The following PLCG2 variants were observed in gnomAD, a reference collection of about 807,000 sequenced individuals.
PLCG2 encodes the protein 1-phosphatidylinositol 4,5-bisphosphate phosphodiesterase gamma-2.
Under a neutral mutation model 175.6 loss-of-function variants are expected in PLCG2, and 69 were observed. That is an observed-to-expected ratio of 0.39 (90% CI 0.32 to 0.48). The LOEUF (loss-of-function observed/expected upper bound fraction) is 0.48, where lower values mean the gene tolerates loss of function less well. PLCG2 is among the 20% of genes least tolerant of loss of function. The pLI is 0.91. For missense variants in PLCG2, 1,798 were observed against 1,650.9 expected, an observed-to-expected ratio of 1.09 and a Z score of -1.54; for synonymous variants, 827 against 624.0, an observed-to-expected ratio of 1.33 and a Z score of -4.85.
At chr16:81,766,139 G>A (rs1328514852) in intron 2 of PLCG2, among the ~76,000 whole-genome samples, 1 of 152,124 alleles carries the variant, frequency 6.6e-6, no homozygotes, top group East Asian at 1.9e-4. Flanking sequence ...GTCAACATGG[G>A]CACTGTTTAT....
intron 2 of PLCG2, chr16:81,766,637 T>C (rs1910157448): frequency 6.6e-6 from 1 of 152,430 alleles, no homozygotes; most frequent in East Asian, 1.9e-4. Flanking sequence ...GTTTATGTGT[T>C]TCCTTGTTTA....
chr16:81,865,236 C>G (rs1024315310), intron 5 of PLCG2, among the ~76,000 whole-genome samples: 6 of 152,118 alleles, frequency 3.9e-5, no homozygotes, highest in Non-Finnish European at 5.9e-5. Flanking sequence ...GGGCGAGGCA[C>G]TCTCTGTAGG....
chr16:81,839,472 A>T (rs184770312), intron 2 of PLCG2, among the ~76,000 whole-genome samples: 2 of 152,210 alleles, frequency 1.3e-5, no homozygotes, highest in African/African-American at 4.8e-5. Context: ...TAGGCTGTAT[A>T]TAAAGTAATG....
chr16:81,875,776 T>C (rs1398909061), intron 7 of PLCG2, among the ~76,000 whole-genome samples: 2 of 152,116 alleles, frequency 1.3e-5, no homozygotes, highest in Non-Finnish European at 2.9e-5. Context: ...AAAAAGAAAA[T>C]TGAGAAGGCT....
At chr16:81,802,188 C>G (rs909151829) in intron 2 of PLCG2, among the ~76,000 whole-genome samples, 1 of 140,692 alleles carries the variant, frequency 7.1e-6, no homozygotes, top group African/African-American at 2.6e-5. Context: ...TCTTGGCTCA[C>G]TGCAAGCTCC....
At chr16:81,778,701 AGGTAGCAGTAAG>A (rs1017300127), upstream of PLCG2, among the ~76,000 whole-genome samples, 5 of 152,338 alleles carry the variant, frequency 3.3e-5, no homozygotes, top group Non-Finnish European at 7.4e-5. Context: ...GGTCTGCCTA[AGGTAGCAGTAAG>A]GGTTGGTCTG....
intron 19 of PLCG2, among the ~76,000 whole-genome samples, chr16:81,914,901 G>A (rs548288687): frequency 6.6e-6 from 1 of 152,184 alleles, no homozygotes; most frequent in African/African-American, 2.4e-5. Context: ...AAGAGTTGGG[G>A]TGTGAGGACT....
intron 2 of PLCG2, among the ~76,000 whole-genome samples, chr16:81,760,988 C>T (rs929201226): frequency 3.3e-5 from 5 of 152,052 alleles, no homozygotes; most frequent in Admixed American, 6.6e-5. Flanking sequence ...ACGGCAACAG[C>T]GACCTCCTGG....
intron 2 of PLCG2, among the ~76,000 whole-genome samples, chr16:81,826,305 A>G (rs1482187135): frequency 6.6e-6 from 1 of 152,170 alleles, no homozygotes; most frequent in Non-Finnish European, 1.5e-5. Context: ...TCCTAGGCTC[A>G]GAGATGGGGG....
chr16:81,867,040 T>C (rs965452049), intron 5 of PLCG2, among the ~76,000 whole-genome samples: 1 of 152,228 alleles, frequency 6.6e-6, no homozygotes, highest in Non-Finnish European at 1.5e-5. Flanking sequence ...GCTGTCCCTG[T>C]GGTACCAGTA....
At chr16:81,956,494 T>C (rs1240053024) in intron 31 of PLCG2, among the ~76,000 whole-genome samples, 2 of 152,240 alleles carry the variant, frequency 1.3e-5, no homozygotes, top group Non-Finnish European at 2.9e-5. Flanking sequence ...AAGCACTTTT[T>C]AAACTGCTTG....
intron 31 of PLCG2, among the ~76,000 whole-genome samples, chr16:81,956,393 A>G (rs1249316790): frequency 3.3e-5 from 5 of 152,210 alleles, no homozygotes. Flanking sequence ...CATGTAGACC[A>G]AAGGAAAACC....
intron 2 of PLCG2, among the ~76,000 whole-genome samples, chr16:81,796,966 C>T (rs1327072983): frequency 1.3e-5 from 2 of 152,192 alleles, no homozygotes; most frequent in African/African-American, 4.8e-5. Context: ...CAGGGATTGA[C>T]CTACCCATTC....
At chr16:81,836,387 A>C (rs1009545193) in intron 2 of PLCG2, among the ~76,000 whole-genome samples, 5 of 152,132 alleles carry the variant, frequency 3.3e-5, no homozygotes, top group African/African-American at 1.2e-4. Context: ...TGCTGTCTGC[A>C]GGGGAGAGCA....
rs144852909 is a variant in PLCG2 at position 81,864,709 on chromosome 16, G to A, written c.480-4505G>A. On this transcript the variant is annotated intron_variant, in intron 5 of 32. Coordinates refer to ENST00000564138, the MANE Select transcript of PLCG2 (RefSeq NM_002661.5). ...TTGCCATTGTTGCTACAAAAGAGCC[G>A]GGGGCAGTGGAGGTGCCGGCCCAGC... Among the ~76,000 whole-genome samples the A allele has an allele frequency of 5.4e-3, 828 of 152,302 alleles. 2 individuals carry two copies. Among genetic ancestry groups the A allele is most frequent in the Non-Finnish European group, 9.1e-3 (616 of 68,032 alleles).
chr16:81,742,235 C>T (rs1909611659), intron 1 of PLCG2, among the ~76,000 whole-genome samples: 2 of 151,632 alleles, frequency 1.3e-5, no homozygotes, highest in Admixed American at 6.6e-5. Context: ...GAGTCCATTA[C>T]TCCGAGTACA....
At chr16:81,742,359 C>T (rs1434802420) in intron 1 of PLCG2, among the ~76,000 whole-genome samples, 2 of 152,110 alleles carry the variant, frequency 1.3e-5, no homozygotes, top group Non-Finnish European at 2.9e-5. Flanking sequence ...GCTCCAGGTG[C>T]AGAGTTGAGG....
chr16:81,781,108 C>G (rs111703614), intron 1 of PLCG2, among the ~76,000 whole-genome samples: 34 of 152,262 alleles, frequency 2.2e-4, no homozygotes, highest in African/African-American at 7.9e-4. Context: ...AAAATTTGCC[C>G]GTTACATCAT....
intron 3 of PLCG2, among the ~76,000 whole-genome samples, chr16:81,856,255 G>C (rs930465952): frequency 5.3e-5 from 8 of 152,146 alleles, no homozygotes; most frequent in South Asian, 2.1e-4. Context: ...TAAAGTACCT[G>C]GTGCTTAAGG....
Sources: gnomAD v4.1 joint callset for allele counts (sites outside exome capture counted in the v4.1 genomes callset) on GRCh38, gnomAD v4.1.1 for gene constraint, MANE v1.5 for transcripts, NCBI Gene and HGNC (gene_info 2026-07-23, HGNC 2026-07-21) for gene names.